The following C4orf36 variants were observed in gnomAD, a reference collection of about 807,000 sequenced individuals.
The protein encoded by C4orf36 is uncharacterized protein C4orf36.
In C4orf36, 11 loss-of-function variants were observed where a neutral mutation model predicts 12.2. The observed-to-expected ratio is 0.90, with a 90% confidence interval of 0.57 to 1.49. The LOEUF (loss-of-function observed/expected upper bound fraction) is 1.49. Among genes scored for constraint, C4orf36 ranks in the 40% most tolerant of loss-of-function variants. C4orf36 has a pLI of 0.00. For synonymous variants in C4orf36, 54 were observed against 51.3 expected (o/e 1.05, Z -0.22); for missense variants, 137 against 133.9 (o/e 1.02, Z -0.11).
At chr4:86,930,942 G>C in the C4orf36 span, among the ~76,000 whole-genome samples, 1 of 152,152 alleles carries the variant, frequency 6.6e-6, no homozygotes, top group Non-Finnish European at 1.5e-5. Context: ...AGATAACTAA[G>C]AATTTCTCTA....
the C4orf36 span, among the ~76,000 whole-genome samples, chr4:86,906,915 C>T: frequency 6.6e-6 from 1 of 151,940 alleles, no homozygotes; most frequent in African/African-American, 2.4e-5. Flanking sequence ...TAGTGCACAC[C>T]TGTAATCCCA....
chr4:86,876,893 T>A (rs1349905043), intron 4 of C4orf36, among the ~76,000 whole-genome samples: 7 of 152,238 alleles, frequency 4.6e-5, no homozygotes, highest in Admixed American at 4.6e-4. Context: ...CTATCTTATC[T>A]AAATCTGATT....
At chr4:86,894,795 A>G (rs1374471688), upstream of C4orf36, among the ~76,000 whole-genome samples, 2 of 152,118 alleles carry the variant, frequency 1.3e-5, no homozygotes, top group Non-Finnish European at 2.9e-5. Flanking sequence ...TTGAAAGGAC[A>G]CTCAAGCTGC....
chr4:86,922,960 T>A, the C4orf36 span, among the ~76,000 whole-genome samples: 1 of 151,682 alleles, frequency 6.6e-6, no homozygotes, highest in Non-Finnish European at 1.5e-5. Context: ...TTTTTTTTTT[T>A]TTTTTAAGAG....
the C4orf36 span, among the ~76,000 whole-genome samples, chr4:86,898,532 A>T: frequency 6.6e-6 from 1 of 151,994 alleles, no homozygotes; most frequent in Non-Finnish European, 1.5e-5. Context: ...ACCCTTCTCT[A>T]TTTTTTTAAA....
the C4orf36 span, among the ~76,000 whole-genome samples, chr4:86,898,714 C>T: frequency 2.0e-5 from 3 of 151,806 alleles, no homozygotes; most frequent in Admixed American, 6.6e-5. Context: ...CAGACTGAGG[C>T]GAGAGAATTG....
chr4:86,914,177 G>A, the C4orf36 span: 16 of 1,591,468 alleles, frequency 1.0e-5, no homozygotes, highest in East Asian at 2.9e-4. Flanking sequence ...TCCCTAGTGG[G>A]GACTACTTCA....
the C4orf36 span, among the ~76,000 whole-genome samples, chr4:86,922,042 CATTA>C: frequency 1.3e-5 from 2 of 152,074 alleles, no homozygotes; most frequent in Non-Finnish European, 2.9e-5. Flanking sequence ...TTATTTACCT[CATTA>C]ATTAATGAGG....
the C4orf36 span, among the ~76,000 whole-genome samples, chr4:86,910,436 T>C: frequency 6.6e-6 from 1 of 152,092 alleles, no homozygotes; most frequent in African/African-American, 2.4e-5. Flanking sequence ...ATTAAAAAAT[T>C]AAAATGTTTT....
rs1747456357 is a variant in C4orf36, at chr4:86,892,344, G to C, written c.-235C>G. The C allele has an allele frequency of 1.0e-6, 1 of 985,376 alleles. No homozygotes were observed. The highest frequency in any genetic ancestry group is 1.2e-6 in the Non-Finnish European group (1 of 829,970). 61.0% of individuals were successfully genotyped at this position (985,376 alleles called of 1,614,324 possible). A position where few individuals can be genotyped will look rare whatever the true frequency, so the allele number is the denominator to read the frequency against. ...CTGAGGTAAGAGCGCGCTGCGCTAA[G>C]CGCACATGGCCGCGCACACGCCTCG... On this transcript the variant is annotated 5_prime_UTR_variant, in exon 1 of 5. Transcript: ENST00000295898.
the C4orf36 span, among the ~76,000 whole-genome samples, chr4:86,906,376 A>G: frequency 6.6e-6 from 1 of 152,134 alleles, no homozygotes; most frequent in African/African-American, 2.4e-5. Context: ...TAAAATGCAT[A>G]TTACCAGGCT....
intron 4 of C4orf36, chr4:86,876,799 A>AT: frequency 7.7e-7 from 1 of 1,305,280 alleles, no homozygotes; most frequent in Non-Finnish European, 1.0e-6. Flanking sequence ...AAAAAAAGAG[A>AT]TTTTCTCATG....
chr4:86,876,724 G>A (rs1746936707), intron 4 of C4orf36: 7 of 1,551,424 alleles, frequency 4.5e-6, no homozygotes, highest in South Asian at 1.2e-5. Flanking sequence ...TCAGAATTTA[G>A]GAAAGTTCTC....
the C4orf36 span, among the ~76,000 whole-genome samples, chr4:86,907,373 G>GA: frequency 6.6e-6 from 1 of 152,144 alleles, no homozygotes; most frequent in African/African-American, 2.4e-5. Flanking sequence ...AGGGGATCAG[G>GA]AAAAATATTA....
At chr4:86,904,423 G>A in the C4orf36 span, among the ~76,000 whole-genome samples, 1 of 152,154 alleles carries the variant, frequency 6.6e-6, no homozygotes, top group African/African-American at 2.4e-5. Flanking sequence ...CCGAGGAGGC[G>A]CGGAGAGTGA....
the C4orf36 span, among the ~76,000 whole-genome samples, chr4:86,919,315 C>CCCTT: frequency 1.2e-5 from 1 of 81,388 alleles, no homozygotes. Flanking sequence ...TTTTTTCCCC[C>CCCTT]TTTTTTTTTT....
chr4:86,922,046 A>C, the C4orf36 span, among the ~76,000 whole-genome samples: 1 of 152,242 alleles, frequency 6.6e-6, no homozygotes. Flanking sequence ...TTACCTCATT[A>C]ATTAATGAGG....
chr4:86,886,501 C>T (rs562707393), intron 4 of C4orf36: 2 of 152,262 alleles, frequency 1.3e-5, no homozygotes, highest in Non-Finnish European at 2.9e-5. Context: ...AGCCAACAGG[C>T]ACATGAAAAA....
chr4:86,927,721 C>T, the C4orf36 span, among the ~76,000 whole-genome samples: 1 of 151,930 alleles, frequency 6.6e-6, no homozygotes, highest in African/African-American at 2.4e-5. Flanking sequence ...ATTGCTTGAA[C>T]CCGGGAGGTG....
Sources: gnomAD v4.1 joint callset for allele counts (sites outside exome capture counted in the v4.1 genomes callset) on GRCh38, gnomAD v4.1.1 for gene constraint, MANE v1.5 for transcripts, NCBI Gene and HGNC (gene_info 2026-07-23, HGNC 2026-07-21) for gene names.